CEP128: variants seen among roughly 807,000 people sequenced by gnomAD.
The protein encoded by CEP128 is centrosomal protein 128kDa.
A neutral mutation model predicts 156.7 loss-of-function variants in CEP128; 132 were observed. That is an observed-to-expected ratio of 0.84 (90% CI 0.73 to 0.97). The LOEUF is 0.97. Among genes scored for constraint, CEP128 ranks in the 50% least tolerant of loss-of-function variants. The probability of loss-of-function intolerance (pLI) is 0.00; values close to 1 mark genes in which losing one functional copy is unlikely to be tolerated. For synonymous variants in CEP128, 469 were observed against 448.9 expected, an observed-to-expected ratio of 1.04 and a Z score of -0.57; for missense variants, 1,252 against 1,281.9, an observed-to-expected ratio of 0.98 and a Z score of 0.36.
intron 16 of CEP128, among the ~76,000 whole-genome samples, chr14:80,773,953 C>T (rs1219092331): frequency 6.6e-6 from 1 of 152,038 alleles, no homozygotes; most frequent in Non-Finnish European, 1.5e-5. Flanking sequence ...AATAAAAGTA[C>T]CAAATGAATA....
rs545624969 is a variant in CEP128 at position 80,883,171 on chromosome 14, C to T, written c.645+12547G>A. Among the ~76,000 whole-genome samples, 20 of 152,074 alleles carry T rather than the reference C, an allele frequency of 1.3e-4. No homozygotes were observed. In the South Asian group the frequency reaches 4.2e-3, roughly 32 times the overall value. On this transcript the variant is annotated intron_variant, in intron 8 of 24. Coordinates refer to ENST00000555265, the MANE Select transcript of CEP128 (RefSeq NM_152446.5). Reference sequence around the variant, plus strand: ...CATCTCATGTACCTGTAAGTATATACATGCCTACTACCTACCCGCAAAATT... The same window carrying T: ...CATCTCATGTACCTGTAAGTATATATATGCCTACTACCTACCCGCAAAATT...
intron 19 of CEP128, among the ~76,000 whole-genome samples, chr14:80,702,869 A>G (rs1566866247): frequency 6.6e-6 from 1 of 152,188 alleles, no homozygotes; most frequent in Non-Finnish European, 1.5e-5. Flanking sequence ...AGACATAAGA[A>G]ACACAAATAT....
intron 20 of CEP128, among the ~76,000 whole-genome samples, chr14:80,560,637 C>T (rs1168880522): frequency 6.6e-6 from 1 of 151,982 alleles, no homozygotes; most frequent in East Asian, 1.9e-4. Flanking sequence ...GGAAGGCAGA[C>T]CCACCGTTAA....
intron 15 of CEP128, 29 bp downstream of exon 15, chr14:80,784,866 G>A (rs774707214): frequency 2.6e-6 from 4 of 1,543,962 alleles, no homozygotes; most frequent in East Asian, 2.3e-5. Context: ...AATTCCTTCA[G>A]TATCATCAGG....
intron 19 of CEP128, among the ~76,000 whole-genome samples, chr14:80,726,498 G>A (rs1236598490): frequency 6.6e-6 from 1 of 152,114 alleles, no homozygotes; most frequent in Non-Finnish European, 1.5e-5. Context: ...TGTGTAAATT[G>A]TCTTTTATCT....
At position 80,528,615 on chromosome 14, in the gene CEP128, G is replaced by A. The variant is rs72689035; in HGVS notation, c.2959-1633C>T. 2.2e-4 allele frequency among the ~76,000 whole-genome samples: 33 copies of A among 152,212 alleles called. No individual in the cohort carries two copies. In the South Asian group the frequency reaches 3.5e-3, roughly 16 times the overall value. On this transcript the variant is annotated intron_variant, in intron 22 of 24. Transcript: ENST00000555265. ...CAATTCTTTCAAAATAAATATGACC[G>A]CATTTAAACAAGAATAAAGTCAGGC...
chr14:80,802,522 C>A (rs1399292264), intron 13 of CEP128, among the ~76,000 whole-genome samples: 1 of 146,764 alleles, frequency 6.8e-6, no homozygotes, highest in Non-Finnish European at 1.5e-5. Context: ...GAACAACACA[C>A]ACCAGGGGGG....
At chr14:80,619,806 G>A (rs1235376798) in intron 19 of CEP128, among the ~76,000 whole-genome samples, 1 of 152,096 alleles carries the variant, frequency 6.6e-6, no homozygotes, top group Admixed American at 6.5e-5. Flanking sequence ...CAATAGGCAG[G>A]TTTTAGGTGA....
intron 4 of CEP128, among the ~76,000 whole-genome samples, chr14:80,910,146 T>C (rs10142753): frequency 0.56 from 84,970 of 152,108 alleles, 25,676 homozygotes; most frequent in African/African-American, 0.79. Context: ...TATATTAATA[T>C]CTCACTTGAT....
intron 4 of CEP128, among the ~76,000 whole-genome samples, chr14:80,910,404 G>A (rs1453190019): frequency 6.6e-6 from 1 of 152,166 alleles, no homozygotes; most frequent in African/African-American, 2.4e-5. Flanking sequence ...GAATGGTCTA[G>A]CACCATCCCC....
In CEP128 at chr14:80,604,124, G is replaced by T. The variant is rs544056940; in HGVS notation, c.2807-23701C>A. Among the ~76,000 whole-genome samples, 9 of 152,262 alleles carry T rather than the reference G, an allele frequency of 5.9e-5. No homozygotes were observed. The East Asian group carries it at 1.5e-3, about 26-fold the overall frequency. ...CCCCAAATTATTATAACAGCATCCT[G>T]TTGGTGTTTCCTACCAATGTTTCCC... On this transcript the variant is annotated intron_variant, in intron 19 of 24. Transcript: ENST00000555265.
rs569071715 is a variant in CEP128 at position 80,855,273 on chromosome 14, T to C, written c.762+7484A>G. ...GAACCCCATGGGGCTCACACAGTCC[T>C]GTCCAAGGACTCAATTCTAGGGCTT... On this transcript the variant is annotated intron_variant, in intron 9 of 24. Coordinates refer to ENST00000555265, the MANE Select transcript of CEP128 (RefSeq NM_152446.5). 5.3e-5 allele frequency among the ~76,000 whole-genome samples: 8 copies of C among 152,242 alleles called. No individual in the cohort carries two copies. The East Asian group carries it at 1.5e-3, about 29-fold the overall frequency.
chr14:80,556,019 G>A (rs531785739), intron 21 of CEP128, among the ~76,000 whole-genome samples: 5 of 151,782 alleles, frequency 3.3e-5, no homozygotes, highest in African/African-American at 9.7e-5. Flanking sequence ...TTCTTCCTTG[G>A]TGTCAACACA....
intron 20 of CEP128, among the ~76,000 whole-genome samples, chr14:80,569,356 G>A (rs578060084): frequency 2.6e-5 from 4 of 152,208 alleles, no homozygotes; most frequent in Admixed American, 6.5e-5. Flanking sequence ...ATCCTCAACT[G>A]TATTGCTTTC....
chr14:80,646,046 T>C (rs1175702085), intron 19 of CEP128, among the ~76,000 whole-genome samples: 1 of 151,980 alleles, frequency 6.6e-6, no homozygotes, highest in African/African-American at 2.4e-5. Context: ...CAGGAGTTAG[T>C]GGGGAAGGAG....
At chr14:80,681,127 C>T (rs114319097) in intron 19 of CEP128, among the ~76,000 whole-genome samples, 3,124 of 152,070 alleles carry the variant, frequency 0.021, 105 homozygotes, top group African/African-American at 0.071. Flanking sequence ...AAGAAGTACA[C>T]GGTACTATAA....
At chr14:80,680,703 GC>G (rs1896286709) in intron 19 of CEP128, among the ~76,000 whole-genome samples, 1 of 152,080 alleles carries the variant, frequency 6.6e-6, no homozygotes, top group African/African-American at 2.4e-5. Context: ...AGAAGTGTAG[GC>G]CACCCATCAA....
At chr14:80,877,243 C>G (rs1888326370) in intron 8 of CEP128, among the ~76,000 whole-genome samples, 1 of 150,980 alleles carries the variant, frequency 6.6e-6, no homozygotes, top group Non-Finnish European at 1.5e-5. Flanking sequence ...AAAAAACACA[C>G]ACAAAAAATG....
chr14:80,543,136 C>T (rs910120572), intron 21 of CEP128, among the ~76,000 whole-genome samples: 2 of 152,284 alleles, frequency 1.3e-5, no homozygotes, highest in African/African-American at 2.4e-5. Context: ...ACCATTGTGG[C>T]ATTGAGATTT....
Sources: gnomAD v4.1 joint callset for allele counts (sites outside exome capture counted in the v4.1 genomes callset) on GRCh38, gnomAD v4.1.1 for gene constraint, MANE v1.5 for transcripts, NCBI Gene and HGNC (gene_info 2026-07-23, HGNC 2026-07-21) for gene names.